The following NPFFR1 variants were observed in gnomAD, a reference collection of about 807,000 sequenced individuals.
NPFFR1 encodes the protein neuropeptide FF receptor 1.
Under a neutral mutation model 12.7 loss-of-function variants are expected in NPFFR1, and 17 were observed. That is an observed-to-expected ratio of 1.34 (90% CI 0.92 to 2.01). NPFFR1 has a LOEUF of 2.01. Ranked by LOEUF, NPFFR1 falls within the 30% of genes most tolerant of loss-of-function variation. The pLI is 0.00. For missense variants in NPFFR1, 604 were observed against 606.5 expected, an observed-to-expected ratio of 1.00 and a Z score of 0.04; for synonymous variants, 296 against 264.5, an observed-to-expected ratio of 1.12 and a Z score of -1.16.
intron 1 of NPFFR1, among the ~76,000 whole-genome samples, chr10:70,272,048 T>A (rs1840748356): frequency 6.7e-6 from 1 of 149,516 alleles, no homozygotes; most frequent in Non-Finnish European, 1.5e-5. Flanking sequence ...ACCCAGGAGG[T>A]GGAGGTTGCA....
In NPFFR1 at chr10:70,255,439, T is replaced by C. The variant is rs913676446; in HGVS notation, c.811A>G (p.Met271Val). The C allele has an allele frequency of 5.8e-6, 9 of 1,547,422 alleles. No individual in the cohort carries two copies. Among genetic ancestry groups the C allele is most frequent in the Non-Finnish European group, 7.8e-6 (9 of 1,146,646 alleles). Residue 271 changes from methionine (M) to valine (V), a missense_variant, in exon 4 of 4, where the codon ATG becomes GTG. Coordinates refer to ENST00000277942, the MANE Select transcript of NPFFR1 (RefSeq NM_022146.5). This position sits in a 1 kb window ranked among gnomAD's most constrained non-coding sequence, Gnocchi z 4.2. ...ASRRRARVVH[M>V]LVMVALFFTL... ...AAGAACAGCGCCACCATGACCAGCATGTGCACCACGCGCGCTCTGCGCCGC... is the reference window on the plus strand; with the variant it reads ...AAGAACAGCGCCACCATGACCAGCACGTGCACCACGCGCGCTCTGCGCCGC...
intron 3 of NPFFR1, among the ~76,000 whole-genome samples, chr10:70,257,735 G>GA (rs1366450470): frequency 1.3e-5 from 2 of 152,192 alleles, no homozygotes; most frequent in African/African-American, 4.8e-5. Flanking sequence ...CCTGGGAACT[G>GA]AATGTCTCAG....
chr10:70,277,149 A>G (rs953195249), intron 1 of NPFFR1, among the ~76,000 whole-genome samples: 2 of 152,194 alleles, frequency 1.3e-5, no homozygotes, highest in African/African-American at 4.8e-5. Context: ...GCCTACACCC[A>G]TCTGGCCTCT....
chr10:70,259,567 G>T (rs1840613020), intron 3 of NPFFR1, among the ~76,000 whole-genome samples: 1 of 152,172 alleles, frequency 6.6e-6, no homozygotes, highest in Non-Finnish European at 1.5e-5. Flanking sequence ...TAGTGGCCTT[G>T]TGGAGAGTAG....
chr10:70,248,075 C>G lies in NPFFR1; in HGVS notation c.*6882G>C, dbSNP rs1479501054. 1 of 152,162 alleles carries G rather than the reference C, an allele frequency of 6.6e-6. No homozygotes were observed. Among genetic ancestry groups the G allele is most frequent in the East Asian group, 1.9e-4 (1 of 5,200 alleles). 9.4% of individuals were successfully genotyped at this position (152,162 alleles called of 1,614,324 possible). On this transcript the variant is annotated 3_prime_UTR_variant, in exon 4 of 4. Transcript: ENST00000277942. ...ATTATGGGAGACCTCCATCAAGGCTCTTTCTTTTACTCTGAACCTCAGTTT... is the reference window on the plus strand; with the variant it reads ...ATTATGGGAGACCTCCATCAAGGCTGTTTCTTTTACTCTGAACCTCAGTTT...
At chr10:70,271,237 G>T (rs923059839) in intron 1 of NPFFR1, among the ~76,000 whole-genome samples, 3 of 152,196 alleles carry the variant, frequency 2.0e-5, no homozygotes, top group Non-Finnish European at 4.4e-5. Flanking sequence ...CAGAGGCCAG[G>T]TGCCATGGCT....
chr10:70,262,208 T>G (rs1302218193), intron 2 of NPFFR1, among the ~76,000 whole-genome samples: 1 of 152,124 alleles, frequency 6.6e-6, no homozygotes, highest in East Asian at 1.9e-4. Flanking sequence ...AATCACTTAC[T>G]CAAGATAAAT....
In NPFFR1 at chr10:70,250,408, G is replaced by C. The variant is rs1840498899; in HGVS notation, c.*4549C>G. On this transcript the variant is annotated 3_prime_UTR_variant, in exon 4 of 4. Transcript: ENST00000277942. ...CCTAGGTATCTACCCAAGAAAAATG[G>C]AAAACATACATACACATACATATAA... 1 of 152,130 alleles carries C rather than the reference G, an allele frequency of 6.6e-6. No individual in the cohort carries two copies. The highest frequency in any genetic ancestry group is 2.4e-5 in the African/African-American group (1 of 41,416). The allele number at this position is 152,130 out of a possible 1,614,324, so 9.4% of individuals were successfully genotyped here.
At chr10:70,265,191 C>T (rs994155144) in intron 2 of NPFFR1, among the ~76,000 whole-genome samples, 4 of 152,138 alleles carry the variant, frequency 2.6e-5, no homozygotes, top group Non-Finnish European at 2.9e-5. Context: ...CTCCCTCTGC[C>T]CCGAGTCAGT....
chr10:70,251,709 G>A lies in NPFFR1; in HGVS notation c.*3248C>T, dbSNP rs1395088663. On this transcript the variant is annotated 3_prime_UTR_variant, in exon 4 of 4. Transcript: ENST00000277942. Reference sequence around the variant, plus strand: ...AGGAAACCCAGCCAACCTGGAGGTGGAGGATGGCGTGTCAGGAATGGTCCA... The same window carrying A: ...AGGAAACCCAGCCAACCTGGAGGTGAAGGATGGCGTGTCAGGAATGGTCCA... 6.6e-6 allele frequency: 1 copy of A among 152,298 alleles called. No homozygotes were observed. The highest frequency in any genetic ancestry group is 1.5e-5 in the Non-Finnish European group (1 of 68,076). The allele number at this position is 152,298 out of a possible 1,614,324, so 9.4% of individuals were successfully genotyped here. A position where few individuals can be genotyped will look rare whatever the true frequency, so the allele number is the denominator to read the frequency against.
chr10:70,265,672 T>C (rs1191258951), intron 2 of NPFFR1, among the ~76,000 whole-genome samples: 1 of 152,216 alleles, frequency 6.6e-6, no homozygotes, highest in Non-Finnish European at 1.5e-5. Flanking sequence ...TGGGACTGAA[T>C]GGTATAATAC....
At position 70,255,150 on chromosome 10, in the gene NPFFR1, A is replaced by C. The variant is rs1840548750; in HGVS notation, c.1100T>G (p.Leu367Arg). Residue 367 changes from leucine (L) to arginine (R), a missense_variant, in exon 4 of 4, where the codon CTT becomes CGT. Leu to Arg is a moderately radical substitution (Grantham distance 102, BLOSUM62 -2). Transcript: ENST00000277942. The surrounding 1 kb of genome is among the most constrained non-coding windows in gnomAD (Gnocchi z 4.2). The stretch of plus-strand genomic sequence containing the variant: ...CACCACGAAGACCCGCCTGTGCAGA[A>C]GCCCGCCGGGCCGCTCGGAGTAGGC... Reference protein sequence around the residue: ...KEAYSERPGGLLHRRVFVVVR... With the variant: ...KEAYSERPGGRLHRRVFVVVR... The C allele has an allele frequency of 1.3e-6, 2 of 1,538,556 alleles. No individual in the cohort carries two copies. The highest frequency in any genetic ancestry group is 1.4e-5 in the African/African-American group (1 of 72,730).
intron 1 of NPFFR1, 45 bp downstream of exon 1, chr10:70,283,625 C>T: frequency 2.6e-6 from 4 of 1,520,760 alleles, no homozygotes; most frequent in South Asian, 2.4e-5. Context: ...GCCCCGGAGT[C>T]GGTACCCTGC....
At position 70,281,002 on chromosome 10, in the gene NPFFR1, AAACAACAAC is replaced by A. The variant is rs144095454; in HGVS notation, c.7+2659_7+2667del. On this transcript the variant is annotated intron_variant, in intron 1 of 3. Coordinates refer to ENST00000277942, the MANE Select transcript of NPFFR1 (RefSeq NM_022146.5). ...GGGCAACAGGGCGAGACTCCGTCTCAAACAACAACAACAACAACAACAAAGAATTCTGAG... is the reference window on the plus strand; with the variant it reads ...GGGCAACAGGGCGAGACTCCGTCTCAAACAACAACAACAAAGAATTCTGAG... Among the ~76,000 whole-genome samples, 27 of 151,982 alleles carry A rather than the reference AAACAACAAC, an allele frequency of 1.8e-4. No individual in the cohort carries two copies. In the South Asian group the frequency reaches 3.1e-3, roughly 18 times the overall value.
intron 1 of NPFFR1, among the ~76,000 whole-genome samples, chr10:70,267,774 A>T (rs1840709271): frequency 1.3e-5 from 2 of 152,124 alleles, no homozygotes; most frequent in South Asian, 4.2e-4. Flanking sequence ...GGCTCAATGG[A>T]GGCTGGGGGC....
At chr10:70,277,112 A>T (rs1014151272) in intron 1 of NPFFR1, among the ~76,000 whole-genome samples, 5 of 152,218 alleles carry the variant, frequency 3.3e-5, no homozygotes, top group African/African-American at 1.2e-4. Flanking sequence ...TTGTCATCAG[A>T]CAGATCATGG....
chr10:70,263,405 T>C (rs1431634617), intron 2 of NPFFR1, among the ~76,000 whole-genome samples: 1 of 152,150 alleles, frequency 6.6e-6, no homozygotes, highest in Non-Finnish European at 1.5e-5. Context: ...CCCGAGTAGC[T>C]GGGACTACAG....
chr10:70,279,927 G>T (rs1393484523), intron 1 of NPFFR1, among the ~76,000 whole-genome samples: 1 of 152,104 alleles, frequency 6.6e-6, no homozygotes, highest in African/African-American at 2.4e-5. Flanking sequence ...CTACTCTCTG[G>T]TTCTATGAGT....
chr10:70,281,087 C>T lies in NPFFR1; in HGVS notation c.7+2583G>A, dbSNP rs1431146087. On this transcript the variant is annotated intron_variant, in intron 1 of 3. Transcript: ENST00000277942. ...ACAGAACCCTCACATCCAGAGATAA[C>T]CCCTATGTTTGTGATGCTCTCTGCC... Among the ~76,000 whole-genome samples the T allele has an allele frequency of 3.3e-5, 5 of 152,218 alleles. No individual in the cohort carries two copies. The East Asian group carries it at 9.6e-4, about 29-fold the overall frequency.
Sources: gnomAD v4.1 joint callset for allele counts (sites outside exome capture counted in the v4.1 genomes callset) on GRCh38, gnomAD v4.1.1 for gene constraint, Gnocchi (gnomAD v3.1) non-coding constraint, MANE v1.5 for transcripts, NCBI Gene and HGNC (gene_info 2026-07-23, HGNC 2026-07-21) for gene names.